Variants in ADGRG1 observed in about 807,000 individuals in gnomAD.
The protein encoded by ADGRG1 is 7-transmembrane protein with no EGF-like N-terminal domains-1.
Under a neutral mutation model 73.5 loss-of-function variants are expected in ADGRG1, and 53 were observed. The observed-to-expected ratio is 0.72, with a 90% CI of 0.58 to 0.91. ADGRG1 has a LOEUF of 0.91. ADGRG1 is among the 40% of genes least tolerant of loss of function. ADGRG1 has a pLI of 0.00. For missense variants in ADGRG1, 795 were observed against 871.8 expected (o/e 0.91, Z 1.11); for synonymous variants, 394 against 374.4 (o/e 1.05, Z -0.60).
At chr16:57,639,430 C>G (rs1041930431) in intron 1 of ADGRG1, 37 of 985,362 alleles carry the variant, frequency 3.8e-5, no homozygotes, top group Non-Finnish European at 4.5e-5. Flanking sequence ...CCCCTTCTCC[C>G]GCGCTGGCGG....
chr16:57,634,858 C>A (rs949693547), intron 1 of ADGRG1: 12 of 561,030 alleles, frequency 2.1e-5, no homozygotes, highest in Non-Finnish European at 2.7e-5. Context: ...TCTTTCTAGC[C>A]GCATCAGGCC....
intron 3 of ADGRG1, 100 bp downstream of exon 3, chr16:57,651,722 G>A: frequency 6.6e-7 from 1 of 1,515,020 alleles, no homozygotes; most frequent in Non-Finnish European, 8.9e-7. Flanking sequence ...AGATCATGAA[G>A]ACTGGGCTTT....
upstream of ADGRG1, among the ~76,000 whole-genome samples, chr16:57,625,000 G>T (rs554866329): frequency 2.6e-5 from 4 of 152,224 alleles, no homozygotes; most frequent in African/African-American, 9.6e-5. Context: ...TCATCCAGCT[G>T]GCCGGCTGGG....
chr16:57,643,553 C>T lies in ADGRG1; in HGVS notation c.-35-6700C>T, dbSNP rs8054325. On this transcript the variant is annotated intron_variant, in intron 1 of 13. Coordinates refer to ENST00000562631, the MANE Select transcript of ADGRG1 (RefSeq NM_201525.4). ...ACGGGGACAGTGAGGCCTGAGCTGG[C>T]GGTATGGGGGGTGGGGGGTGTCCAG... is the stretch of plus-strand genomic sequence containing the variant. The T allele has an allele frequency of 3.6e-4, 351 of 981,648 alleles. 1 individual carries two copies. The highest frequency in any genetic ancestry group is 7.4e-4 in the Admixed American group (12 of 16,138). The allele number at this position is 981,648 out of a possible 1,614,324, so 60.8% of individuals were successfully genotyped here.
intron 1 of ADGRG1, chr16:57,640,772 G>T: frequency 2.2e-6 from 1 of 462,900 alleles, no homozygotes; most frequent in Non-Finnish European, 2.8e-6. Context: ...AGGACCTCGA[G>T]GAGGGGGAGG....
upstream of ADGRG1, chr16:57,626,554 C>T (rs2147074426): frequency 1.0e-6 from 1 of 982,378 alleles, no homozygotes; most frequent in South Asian, 4.7e-5. Context: ...GAGAGGCAGG[C>T]AGAGCTGGGC....
In ADGRG1 at chr16:57,636,105, G is replaced by A. The variant is rs1430467865; in HGVS notation, c.-36+7303G>A. The A allele has an allele frequency of 4.9e-5, 48 of 985,346 alleles. 1 individual carries two copies. In the South Asian group the frequency reaches 2.2e-3, roughly 45 times the overall value. 61.0% of individuals were successfully genotyped at this position (985,346 alleles called of 1,614,324 possible). On this transcript the variant is annotated intron_variant, in intron 1 of 13. Transcript: ENST00000562631. The stretch of plus-strand genomic sequence containing the variant: ...CCTTGGAGAGCCCATGGGGAGCCCA[G>A]GTGGGAGCTTGGGGTCTGCAGCAAT...
At chr16:57,660,160 C>T in intron 11 of ADGRG1, 1 of 696,074 alleles carries the variant, frequency 1.4e-6, no homozygotes, top group Non-Finnish European at 1.8e-6. Flanking sequence ...TATGTCAGAC[C>T]TACAGCCCAG....
chr16:57,647,443 G>A (rs2148064929), intron 1 of ADGRG1: 1 of 985,152 alleles, frequency 1.0e-6, no homozygotes, highest in Non-Finnish European at 1.2e-6. Flanking sequence ...TGTTTAGAAA[G>A]TACAGAGATA....
At chr16:57,640,861 T>C in intron 1 of ADGRG1, 1 of 985,052 alleles carries the variant, frequency 1.0e-6, no homozygotes, top group Non-Finnish European at 1.2e-6. Flanking sequence ...TTGCCAGACC[T>C]GGGGTAGTTG....
intron 1 of ADGRG1, among the ~76,000 whole-genome samples, chr16:57,638,337 G>T (rs1315922671): frequency 6.6e-6 from 1 of 152,172 alleles, no homozygotes; most frequent in African/African-American, 2.4e-5. Flanking sequence ...TGTAAGGTGG[G>T]TCCCCTAGGG....
At chr16:57,646,493 G>A (rs1486232278) in intron 1 of ADGRG1, 7 of 985,422 alleles carry the variant, frequency 7.1e-6, no homozygotes, top group East Asian at 1.1e-4. Context: ...GTGTGTTTAC[G>A]GAAGGTCTGA....
chr16:57,662,369 A>G (rs1297157080), intron 13 of ADGRG1, among the ~76,000 whole-genome samples: 1 of 151,996 alleles, frequency 6.6e-6, no homozygotes, highest in Non-Finnish European at 1.5e-5. Flanking sequence ...CTCTCTGGAT[A>G]TGAGACGTGT....
intron 1 of ADGRG1, chr16:57,631,969 A>G (rs1192130277): frequency 3.8e-5 from 37 of 984,640 alleles, no homozygotes; most frequent in Non-Finnish European, 4.3e-5. Flanking sequence ...CTGCCCTGGC[A>G]GGAGGTCAGC....
chr16:57,653,945 C>G (rs778348649), intron 4 of ADGRG1, 41 bp from the exon 5 acceptor site: 3 of 1,612,356 alleles, frequency 1.9e-6, no homozygotes, highest in Admixed American at 3.3e-5. Context: ...GGTGGCCCGG[C>G]CCCCTCCCCA....
At position 57,655,943 on chromosome 16, in the gene ADGRG1, C is replaced by A. The variant is rs2148424860; in HGVS notation, c.968C>A (p.Ala323Asp). 6.2e-7 allele frequency: 1 copy of A among 1,614,148 alleles called. No homozygotes were observed. The highest frequency in any genetic ancestry group is 1.7e-4 in the Middle Eastern group (1 of 6,060). The change falls in exon 7 of 14, where the codon GCC becomes GAC. Residue 323 changes from alanine (A) to aspartate (D), a missense_variant. Physicochemically the swap from Ala to Asp is moderately radical, Grantham distance 126. Transcript: ENST00000562631. ...LGIVVQNTKV[A>D]NLTEPVVLTF... ...ATTGTGGTACAGAACACCAAAGTAGCCAACCTCACGGAGCCCGTGGTGCTC... is the reference window on the plus strand; with the variant it reads ...ATTGTGGTACAGAACACCAAAGTAGACAACCTCACGGAGCCCGTGGTGCTC...
intron 1 of ADGRG1, chr16:57,629,866 G>A (rs539879423): frequency 2.7e-4 from 65 of 237,036 alleles, no homozygotes; most frequent in Non-Finnish European, 3.6e-4. Flanking sequence ...CCTCCCCTGC[G>A]TGGTAGAGTT....
intron 1 of ADGRG1, chr16:57,635,020 G>C: frequency 2.0e-6 from 2 of 985,342 alleles, no homozygotes; most frequent in Non-Finnish European, 2.4e-6. Context: ...GGCTGGATGG[G>C]AGGGAGCAGA....
At chr16:57,623,242 G>A (rs1043059608), upstream of ADGRG1, 1 of 985,086 alleles carries the variant, frequency 1.0e-6, no homozygotes, top group Admixed American at 6.1e-5. Context: ...CCTTCCGGGG[G>A]TGGGGTGGAT....
Sources: allele counts gnomAD v4.1 joint callset (sites outside exome capture counted in the v4.1 genomes callset), GRCh38; gene constraint gnomAD v4.1.1; transcripts MANE v1.5; gene names NCBI Gene and HGNC (gene_info 2026-07-23, HGNC 2026-07-21).